GSS: variants seen among roughly 807,000 people sequenced by gnomAD.
GSS encodes glutathione synthetase.
Under a neutral mutation model 60.4 loss-of-function variants are expected in GSS, and 34 were observed. The ratio of observed to expected loss-of-function variants is 0.56; its 90% CI spans 0.43 to 0.75. GSS has a LOEUF of 0.75. Among genes scored for constraint, GSS ranks in the 30% least tolerant of loss-of-function variants. The probability of loss-of-function intolerance (pLI) is 0.00; values close to 1 mark genes in which losing one functional copy is unlikely to be tolerated. For missense variants in GSS, 499 were observed against 595.1 expected (o/e 0.84, Z 1.68); for synonymous variants, 224 against 239.0 (o/e 0.94, Z 0.58).
At position 34,937,020 on chromosome 20, in the gene GSS, A is replaced by G. The variant is rs145151153; in HGVS notation, c.612T>C (p.Ala204=). 1 of 1,612,682 alleles carries G rather than the reference A, an allele frequency of 6.2e-7. No individual in the cohort carries two copies. The highest frequency in any genetic ancestry group is 8.5e-7 in the Non-Finnish European group (1 of 1,179,056). The stretch of plus-strand genomic sequence containing the variant: ...TCTCTTGAGCAATCAGTAGCACCAG[A>G]GCACTGGGGAAAGAGCACAGGTGGC... ...KAWELYGSPN[A]LVLLIAQEKE... Residue 204 remains alanine (A), a synonymous_variant, in exon 7 of 13, where the codon GCT becomes GCC. Coordinates refer to ENST00000651619, the MANE Select transcript of GSS (RefSeq NM_000178.4).
At chr20:34,935,225 T>C (rs1161245748) in intron 9 of GSS, among the ~76,000 whole-genome samples, 1 of 152,094 alleles carries the variant, frequency 6.6e-6, no homozygotes, top group Non-Finnish European at 1.5e-5. Context: ...CTGATTCAGA[T>C]AAAGGAAAGG....
Position 34,946,065 on chromosome 20 carries a change from A to G in GSS, c.163T>C (p.Ser55Pro). The stretch of plus-strand genomic sequence containing the variant: ...TCCAGCAGGGCACTGGGGACCAGTG[A>G]GGGGAAGAGCGTGAATGGGGCATAG... ...VSYAPFTLFP[S>P]LVPSALLEQA... Residue 55 changes from serine to proline, a missense_variant, in exon 3 of 13, where the codon TCA (serine) becomes CCA (proline). Ser to Pro is a moderately conservative substitution (Grantham distance 74). Coordinates refer to ENST00000651619, the MANE Select transcript of GSS (RefSeq NM_000178.4). The G allele has an allele frequency of 6.2e-7, 1 of 1,613,494 alleles. No individual in the cohort carries two copies. Among genetic ancestry groups the G allele is most frequent in the Non-Finnish European group, 8.5e-7 (1 of 1,179,492 alleles).
intron 9 of GSS, 31 bp downstream of exon 9, chr20:34,935,545 G>A (rs1175067696): frequency 1.3e-6 from 2 of 1,494,748 alleles, no homozygotes; most frequent in East Asian, 4.5e-5. Flanking sequence ...GGTCCCAGGA[G>A]GCAAAGAATG....
At chr20:34,934,670 C>T (rs1399248106) in intron 9 of GSS, among the ~76,000 whole-genome samples, 1 of 152,174 alleles carries the variant, frequency 6.6e-6, no homozygotes, top group Non-Finnish European at 1.5e-5. Context: ...GATGTTCTAT[C>T]GAGATACCAC....
At position 34,932,131 on chromosome 20, in the gene GSS, A is replaced by G. The variant is rs569046590; in HGVS notation, c.837T>C (p.Asn279=). 4 of 1,612,044 alleles carry G rather than the reference A, an allele frequency of 2.5e-6. No individual in the cohort carries two copies. The highest frequency in any genetic ancestry group is 2.7e-5 in the African/African-American group (2 of 75,024). The part of the protein sequence containing the change: ...GYMPRQYSLQ[N]WEARLLLERS... ...TCTCCAGCAGTAGACGTGCTTCCCA[A>G]TTCTGCAGAGGGAAGAAGACAAAAG... Residue 279 remains asparagine, a splice_region_variant and synonymous_variant, in exon 10 of 13, where the codon AAT becomes AAC. Coordinates refer to ENST00000651619, the MANE Select transcript of GSS (RefSeq NM_000178.4).
intron 1 of GSS, among the ~76,000 whole-genome samples, chr20:34,953,620 C>CTTT (rs748249699): frequency 9.2e-6 from 1 of 108,892 alleles, no homozygotes; most frequent in African/African-American, 3.1e-5. Flanking sequence ...CTCTTTCTTT[C>CTTT]TTTTTTTTTT....
intron 6 of GSS, among the ~76,000 whole-genome samples, chr20:34,940,002 CCA>C (rs2081470304): frequency 6.6e-6 from 1 of 152,084 alleles, no homozygotes; most frequent in Non-Finnish European, 1.5e-5. Flanking sequence ...ACATAATGAT[CCA>C]CACAGATTTT....
In GSS at chr20:34,928,819, G is replaced by A. The variant is rs543431423; in HGVS notation, c.*9C>T. The A allele has an allele frequency of 2.5e-6, 4 of 1,613,930 alleles. No individual in the cohort carries two copies. The highest frequency in any genetic ancestry group is 1.7e-5 in the Admixed American group (1 of 59,990). The stretch of plus-strand genomic sequence containing the variant: ...AGAGGATAGAAGGTCCCGTGGCCTG[G>A]TTGTGCCCTCACACAGGGTATGGGT... On this transcript the variant is annotated 3_prime_UTR_variant, in exon 13 of 13. Transcript: ENST00000651619.
At chr20:34,941,633 G>A (rs1437975910) in intron 6 of GSS, 80 bp downstream of exon 6, 1 of 822,036 alleles carries the variant, frequency 1.2e-6, no homozygotes. Flanking sequence ...TCTAATGATG[G>A]CTGGCAAGAA....
At chr20:34,945,777 T>C (rs2081516103) in intron 3 of GSS, among the ~76,000 whole-genome samples, 176 bp downstream of exon 3, 1 of 152,236 alleles carries the variant, frequency 6.6e-6, no homozygotes, top group Non-Finnish European at 1.5e-5. Flanking sequence ...TATAAATAAC[T>C]GGTCGAGCCA....
intron 3 of GSS, among the ~76,000 whole-genome samples, chr20:34,944,990 A>G (rs2081509274): frequency 6.6e-6 from 1 of 151,904 alleles, no homozygotes; most frequent in Admixed American, 6.6e-5. Flanking sequence ...ATTTAATTCT[A>G]CAATGAATAT....
chr20:34,934,158 C>A (rs1159441986), intron 9 of GSS: 4 of 148,186 alleles, frequency 2.7e-5, no homozygotes, highest in African/African-American at 9.9e-5. Flanking sequence ...GCCTGGTCAA[C>A]AAGAGCAAAA....
At chr20:34,945,392 A>G (rs1268935084) in intron 3 of GSS, among the ~76,000 whole-genome samples, 2 of 151,530 alleles carry the variant, frequency 1.3e-5, no homozygotes, top group African/African-American at 4.9e-5. Context: ...AGAAAAAAAA[A>G]AAAAGATCAA....
intron 4 of GSS, 92 bp downstream of exon 4, chr20:34,942,839 G>T: frequency 1.0e-6 from 1 of 1,001,342 alleles, no homozygotes. Flanking sequence ...CCCATGAGCT[G>T]AGGGCCTGGA....
At chr20:34,953,416 G>A (rs1012227742) in intron 1 of GSS, among the ~76,000 whole-genome samples, 1 of 152,128 alleles carries the variant, frequency 6.6e-6, no homozygotes, top group Non-Finnish European at 1.5e-5. Context: ...TGTTGAGTGA[G>A]ACATACATGA....
intron 6 of GSS, among the ~76,000 whole-genome samples, chr20:34,939,300 T>C (rs2081465420): frequency 6.6e-6 from 1 of 152,196 alleles, no homozygotes; most frequent in African/African-American, 2.4e-5. Flanking sequence ...TTATCACCAG[T>C]AGTCCCCTTT....
At chr20:34,952,900 C>G (rs1027899640) in intron 1 of GSS, 1 of 152,202 alleles carries the variant, frequency 6.6e-6, no homozygotes, top group African/African-American at 2.4e-5. Context: ...AGGTGAACTC[C>G]TCCCTTATAC....
intron 2 of GSS, chr20:34,946,872 CA>C (rs1472653045): frequency 6.6e-6 from 1 of 152,122 alleles, no homozygotes; most frequent in African/African-American, 2.4e-5. Flanking sequence ...ACGAGAAACC[CA>C]AATACCATCA....
rs545565027 is a variant in GSS at position 34,943,043 on chromosome 20, T to C, written c.276-37A>G. 33 of 1,440,122 alleles carry C rather than the reference T, an allele frequency of 2.3e-5. No individual in the cohort carries two copies. In the South Asian group the frequency reaches 3.3e-4, roughly 14 times the overall value. The allele number at this position is 1,440,122 out of a possible 1,614,324, so 89.2% of individuals were successfully genotyped here. On this transcript the variant is annotated intron_variant, in intron 3 of 12. Transcript: ENST00000651619. ...AACAGAGAACATTTTGCAGGCTTAA[T>C]TGGACCTAAAATTTCAAGGAGTCCC...
Sources: gnomAD v4.1 joint callset for allele counts (sites outside exome capture counted in the v4.1 genomes callset) on GRCh38, gnomAD v4.1.1 for gene constraint, MANE v1.5 for transcripts, NCBI Gene and HGNC (gene_info 2026-07-23, HGNC 2026-07-21) for gene names.